The following MYO16 variants were observed in gnomAD, a reference collection of about 807,000 sequenced individuals.
MYO16 encodes myosin XVI.
In MYO16, 94 loss-of-function variants were observed where a neutral mutation model predicts 205.3. The observed-to-expected ratio is 0.46, with a 90% CI of 0.39 to 0.54. MYO16 has a LOEUF of 0.54. MYO16 is among the 20% of genes least tolerant of loss of function. MYO16 has a pLI of 0.00. For synonymous variants in MYO16, 988 were observed against 954.0 expected (o/e 1.04, Z -0.66); for missense variants, 2,315 against 2,387.5 (o/e 0.97, Z 0.63).
At chr13:108,882,990 C>T in intron 12 of MYO16, 69 bp from the exon 13 acceptor site, 2 of 1,581,120 alleles carry the variant, frequency 1.3e-6, no homozygotes, top group Non-Finnish European at 1.7e-6. Context: ...AAGTCACTCT[C>T]ATTATGGGAT....
chr13:108,776,436 T>C (rs1001416151), intron 4 of MYO16, among the ~76,000 whole-genome samples: 1 of 152,192 alleles, frequency 6.6e-6, no homozygotes, highest in East Asian at 1.9e-4. Context: ...CACACCTCCT[T>C]GGTATAGTTA....
At chr13:108,760,418 C>A (rs1885567413) in intron 4 of MYO16, among the ~76,000 whole-genome samples, 1 of 151,956 alleles carries the variant, frequency 6.6e-6, no homozygotes, top group South Asian at 2.1e-4. Flanking sequence ...ACTTATAAAT[C>A]TATTCCATAT....
the MYO16 span, among the ~76,000 whole-genome samples, chr13:108,551,364 A>C: frequency 6.6e-6 from 1 of 152,138 alleles, no homozygotes; most frequent in East Asian, 1.9e-4. Flanking sequence ...CTGCTTCTTC[A>C]GTCTGCACAC....
At chr13:109,175,046 A>C (rs1879106958) in intron 33 of MYO16, among the ~76,000 whole-genome samples, 1 of 152,032 alleles carries the variant, frequency 6.6e-6, no homozygotes, top group Admixed American at 6.5e-5. Flanking sequence ...CACTGCACCC[A>C]GCCCTCATTC....
intron 3 of MYO16, among the ~76,000 whole-genome samples, chr13:108,723,099 T>G (rs1472176353): frequency 6.6e-6 from 1 of 152,186 alleles, no homozygotes; most frequent in African/African-American, 2.4e-5. Context: ...TAGGGGATGG[T>G]ATGAGTATTC....
chr13:108,823,193 A>G lies in MYO16; in HGVS notation c.1012A>G (p.Lys338Glu), dbSNP rs1224075594. 5 of 1,613,292 alleles carry G rather than the reference A, an allele frequency of 3.1e-6. No homozygotes were observed. The highest frequency in any genetic ancestry group is 4.2e-6 in the Non-Finnish European group (5 of 1,179,548). The change falls in exon 9 of 35, where the codon AAA becomes GAA. Residue 338 changes from lysine (K) to glutamate (E), a missense_variant. Around this residue, in one of 3 missense-constraint regions of MYO16, gnomAD observed 1,213 missense variants for 1,274.4 expected, o/e 0.95. Transcript: ENST00000457511. ...KAEIAWEEKM[K>E]EPLSASTLAQ... is the part of the protein sequence containing the mutation. ...CGAAATTGCCTGGGAAGAAAAAATG[A>G]AAGAGCCTTTATCTGCTTCTACCTT...
chr13:109,176,906 A>T (rs1879221597), intron 33 of MYO16, among the ~76,000 whole-genome samples: 1 of 151,924 alleles, frequency 6.6e-6, no homozygotes, highest in South Asian at 2.1e-4. Context: ...AGGTTCTGGG[A>T]CCCATTCTTT....
At chr13:109,189,104 A>T (rs542342461) in intron 34 of MYO16, among the ~76,000 whole-genome samples, 1 of 141,764 alleles carries the variant, frequency 7.1e-6, no homozygotes, top group Admixed American at 7.0e-5. Flanking sequence ...AAAAAAAATG[A>T]AAAAAAAAAA....
the MYO16 span, among the ~76,000 whole-genome samples, chr13:108,581,942 T>C: frequency 6.6e-6 from 1 of 151,900 alleles, no homozygotes; most frequent in African/African-American, 2.4e-5. Flanking sequence ...TCAGCACTGT[T>C]AGAAACCAGT....
rs536181809 is a variant in MYO16, at chr13:108,775,661, A to G, written c.508-9974A>G. Among the ~76,000 whole-genome samples the G allele has an allele frequency of 2.6e-5, 4 of 152,290 alleles. No homozygotes were observed. In the East Asian group the frequency reaches 7.7e-4, roughly 29 times the overall value. On this transcript the variant is annotated intron_variant, in intron 4 of 34. Coordinates refer to ENST00000457511, the MANE Select transcript of MYO16 (RefSeq NM_001198950.3). ...ATGAAGTCTTGCTTTGCAACTCATC[A>G]GCTCCTTAGTTCCAGTGGGACCCAT...
intron 1 of MYO16, among the ~76,000 whole-genome samples, chr13:108,656,258 C>T (rs77854896): frequency 0.025 from 3,736 of 152,176 alleles, 141 homozygotes; most frequent in African/African-American, 0.083. Context: ...GGATTAATCT[C>T]AGGAGATCTG....
At chr13:108,901,155 T>C (rs1202315924) in intron 15 of MYO16, among the ~76,000 whole-genome samples, 2 of 152,276 alleles carry the variant, frequency 1.3e-5, no homozygotes, top group African/African-American at 4.8e-5. Context: ...AAAACTTCAT[T>C]AGCAATTTTA....
chr13:109,008,639 C>T (rs2139480504), intron 21 of MYO16, among the ~76,000 whole-genome samples: 1 of 129,382 alleles, frequency 7.7e-6, no homozygotes, highest in Admixed American at 7.6e-5. Flanking sequence ...TGTGTATGCA[C>T]TACTGTACTG....
the MYO16 span, among the ~76,000 whole-genome samples, chr13:108,545,425 T>C: frequency 6.6e-6 from 1 of 152,190 alleles, no homozygotes; most frequent in Non-Finnish European, 1.5e-5. Flanking sequence ...TTAGGTTGAT[T>C]CCATGTCTTT....
the MYO16 span, among the ~76,000 whole-genome samples, chr13:108,506,421 C>T: frequency 1.3e-5 from 2 of 151,888 alleles, no homozygotes; most frequent in Non-Finnish European, 2.9e-5. Flanking sequence ...TTTTTTGATG[C>T]TATTGTAAGT....
At chr13:108,847,896 C>T (rs1227393081) in intron 10 of MYO16, among the ~76,000 whole-genome samples, 1 of 151,920 alleles carries the variant, frequency 6.6e-6, no homozygotes. Context: ...TCTTTCCTCT[C>T]TTTCTCCCTT....
At chr13:108,934,393 C>T (rs1882388196) in intron 16 of MYO16, among the ~76,000 whole-genome samples, 2 of 152,064 alleles carry the variant, frequency 1.3e-5, no homozygotes, top group African/African-American at 2.4e-5. Flanking sequence ...TGGGTGTCAT[C>T]GTTTGTGAAG....
At position 109,055,109 on chromosome 13, in the gene MYO16, A is replaced by G. The variant is rs146716803; in HGVS notation, c.3112A>G (p.Ile1038Val). The G allele has an allele frequency of 3.2e-3, 5,043 of 1,587,426 alleles. 10 individuals are homozygous for G. The highest frequency in any genetic ancestry group is 4.1e-3 in the Non-Finnish European group (4,743 of 1,169,704). The change falls in exon 26 of 35, where the codon ATA (isoleucine) becomes GTA (valine). Residue 1038 changes from isoleucine (I) to valine (V), a missense_variant. Ile to Val is a conservative substitution (Grantham distance 29, BLOSUM62 3). Coordinates refer to ENST00000457511, the MANE Select transcript of MYO16 (RefSeq NM_001198950.3). The surrounding 1 kb of genome is among the most constrained non-coding windows in gnomAD (Gnocchi z 5.0). ...ATTGGAACGAGGAGATCCAGTCACCATAGCATCACAACTCAGGGTTAGTGA... is the reference window on the plus strand; with the variant it reads ...ATTGGAACGAGGAGATCCAGTCACCGTAGCATCACAACTCAGGGTTAGTGA... Reference protein sequence around the residue: ...QRLERGDPVTIASQLRKSLMD... With the variant: ...QRLERGDPVTVASQLRKSLMD...
chr13:108,617,125 A>AT (rs1879376468), intron 1 of MYO16, among the ~76,000 whole-genome samples: 1 of 151,846 alleles, frequency 6.6e-6, no homozygotes, highest in African/African-American at 2.4e-5. Flanking sequence ...CGAGTGTGCC[A>AT]TTTTCTTCAG....
Sources: allele counts gnomAD v4.1 joint callset (sites outside exome capture counted in the v4.1 genomes callset), GRCh38; gene constraint gnomAD v4.1.1; regional missense constraint gnomAD v4.1.1; non-coding constraint Gnocchi (gnomAD v3.1); transcripts MANE v1.5; gene names NCBI Gene and HGNC (gene_info 2026-07-23, HGNC 2026-07-21).